Variants in SLC22A24 observed in about 807,000 individuals in gnomAD.
SLC22A24 encodes steroid transmembrane transporter SLC22A24.
In SLC22A24, 53 loss-of-function variants were observed where a neutral mutation model predicts 49.8. That is an observed-to-expected ratio of 1.06 (90% CI 0.85 to 1.34). SLC22A24 has a LOEUF of 1.34. SLC22A24 is among the 40% of genes most tolerant of loss of function. The pLI is 0.00. For missense variants in SLC22A24, 786 were observed against 675.9 expected, an observed-to-expected ratio of 1.16 and a Z score of -1.81; for synonymous variants, 302 against 256.4, an observed-to-expected ratio of 1.18 and a Z score of -1.70.
chr11:63,120,010 T>A (rs1172820897), intron 2 of SLC22A24, among the ~76,000 whole-genome samples: 4 of 151,838 alleles, frequency 2.6e-5, no homozygotes, highest in African/African-American at 7.3e-5. Context: ...CATTGTAGAT[T>A]CTGGATATTA....
At chr11:63,088,291 G>A (rs919681921) in intron 6 of SLC22A24, among the ~76,000 whole-genome samples, 1 of 152,056 alleles carries the variant, frequency 6.6e-6, no homozygotes, top group African/African-American at 2.4e-5. Context: ...AAAGGGTCTG[G>A]AGTGGACCTC....
chr11:63,119,360 G>C, intron 2 of SLC22A24, 25 bp from the exon 3 acceptor site: 1 of 1,491,144 alleles, frequency 6.7e-7, no homozygotes, highest in Non-Finnish European at 8.9e-7. Context: ...ACCAGATAAC[G>C]TTACTTAGGA....
intron 2 of SLC22A24, among the ~76,000 whole-genome samples, chr11:63,127,586 C>G (rs2134674754): frequency 6.6e-6 from 1 of 152,286 alleles, no homozygotes; most frequent in Non-Finnish European, 1.5e-5. Context: ...TTAACTTACA[C>G]TCCCACCAAC....
intron 6 of SLC22A24, 26 bp downstream of exon 6, chr11:63,095,965 G>A (rs750714307): frequency 4.8e-6 from 7 of 1,464,458 alleles, no homozygotes; most frequent in Admixed American, 2.0e-5. Flanking sequence ...ATATTTTAAA[G>A]TGAATCATCA....
chr11:63,114,272 CT>C (rs573987157), intron 4 of SLC22A24, among the ~76,000 whole-genome samples: 1 of 152,138 alleles, frequency 6.6e-6, no homozygotes, highest in African/African-American at 2.4e-5. Flanking sequence ...TCTTTTTACT[CT>C]TTTTTCTCTA....
intron 4 of SLC22A24, among the ~76,000 whole-genome samples, chr11:63,111,623 T>C (rs1459525893): frequency 6.6e-6 from 1 of 150,714 alleles, no homozygotes; most frequent in Non-Finnish European, 1.5e-5. Context: ...CTAGATTTTC[T>C]AGTTTATTTG....
At chr11:63,103,515 G>T (rs2087103243) in intron 5 of SLC22A24, among the ~76,000 whole-genome samples, 1 of 152,074 alleles carries the variant, frequency 6.6e-6, no homozygotes, top group Admixed American at 6.6e-5. Flanking sequence ...ACCCTGGTAG[G>T]CAATAAGCAT....
intron 2 of SLC22A24, among the ~76,000 whole-genome samples, chr11:63,131,208 T>C (rs1248941421): frequency 6.6e-6 from 1 of 152,130 alleles, no homozygotes; most frequent in Non-Finnish European, 1.5e-5. Context: ...AGCACACCGA[T>C]AAAGAGTCTT....
At chr11:63,112,733 T>C (rs1178376665) in intron 4 of SLC22A24, among the ~76,000 whole-genome samples, 2 of 151,968 alleles carry the variant, frequency 1.3e-5, no homozygotes, top group East Asian at 3.9e-4. Context: ...CCCATTTACA[T>C]TTAAGGTTAA....
Position 63,117,366 on chromosome 11 carries a change from T to C in SLC22A24, c.830+1546A>G, listed in dbSNP as rs192056230. 1.7e-3 allele frequency among the ~76,000 whole-genome samples: 256 copies of C among 152,306 alleles called. 3 individuals carry two copies. The highest frequency in any genetic ancestry group is 3.4e-3 in the Middle Eastern group (1 of 294). ...GCTTAGTGCTCAGCTATTAAGTTAG[T>C]TGTCTGCAACCAATACTTCTCCCAG... On this transcript the variant is annotated intron_variant, in intron 4 of 9. Coordinates refer to ENST00000612278, the MANE Select transcript of SLC22A24 (RefSeq NM_001136506.2).
intron 2 of SLC22A24, among the ~76,000 whole-genome samples, chr11:63,125,982 T>C (rs1185787417): frequency 1.3e-5 from 2 of 152,246 alleles, no homozygotes; most frequent in Non-Finnish European, 2.9e-5. Context: ...GTTCATATCC[T>C]TCGCCCACTT....
intron 1 of SLC22A24, among the ~76,000 whole-genome samples, chr11:63,135,200 G>T (rs769617061): frequency 6.6e-5 from 10 of 152,114 alleles, no homozygotes; most frequent in Non-Finnish European, 1.5e-4. Flanking sequence ...TCATCATGTA[G>T]GTAACATATG....
chr11:63,081,241 G>C, intron 8 of SLC22A24, 118 bp from the exon 9 acceptor site: 1 of 834,010 alleles, frequency 1.2e-6, no homozygotes, highest in Middle Eastern at 3.4e-4. Context: ...CATGGGCTTT[G>C]ACAGCAAGCC....
intron 4 of SLC22A24, among the ~76,000 whole-genome samples, chr11:63,114,515 C>T (rs889170808): frequency 5.3e-5 from 8 of 152,104 alleles, no homozygotes; most frequent in African/African-American, 1.7e-4. Context: ...TCCTTTAGCT[C>T]GGAGAAGTTT....
At chr11:63,123,950 A>T (rs551990753) in intron 2 of SLC22A24, among the ~76,000 whole-genome samples, 90 of 152,240 alleles carry the variant, frequency 5.9e-4, no homozygotes, top group Non-Finnish European at 1.1e-3. Flanking sequence ...ATTCCCCTTA[A>T]AAATAAAGAT....
Position 63,143,587 on chromosome 11 carries a change from C to A in SLC22A24, c.193G>T (p.Gly65Trp). 2 of 1,569,312 alleles carry A rather than the reference C, an allele frequency of 1.3e-6. No individual in the cohort carries two copies. Among genetic ancestry groups the A allele is most frequent in the Non-Finnish European group, 1.7e-6 (2 of 1,158,850 alleles). ...AGGAGGTCATCCTTGCTGAGGGTCC[C>A]GGTATCATTGTCAGACACAGTGTCA... The part of the protein sequence containing the change: ...DNDTVSDNDT[G>W]TLSKDDLLRI... The change falls in exon 1 of 10, where the codon GGG becomes TGG. Residue 65 changes from glycine (G) to tryptophan (W), a missense_variant. Gly to Trp is a radical substitution (Grantham distance 184). Transcript: ENST00000612278.
intron 4 of SLC22A24, among the ~76,000 whole-genome samples, chr11:63,106,104 C>G (rs894504273): frequency 1.1e-4 from 15 of 139,812 alleles, no homozygotes; most frequent in Non-Finnish European, 2.3e-4. Flanking sequence ...ACAACAGTCC[C>G]CGGTGTGTGA....
At chr11:63,120,649 G>C (rs11823791) in intron 2 of SLC22A24, among the ~76,000 whole-genome samples, 354 of 152,124 alleles carry the variant, frequency 2.3e-3, no homozygotes, top group African/African-American at 7.5e-3. Context: ...CCTTTCTAGA[G>C]TTAACTTTGA....
Position 63,106,035 on chromosome 11 carries a change from C to T in SLC22A24, c.831-1737G>A, listed in dbSNP as rs941202594. ...CATGCTGGTATGCTGCACCCATTAA[C>T]TCGTCATTTAGCATTAGGTATATCT... On this transcript the variant is annotated intron_variant, in intron 4 of 9. Coordinates refer to ENST00000612278, the MANE Select transcript of SLC22A24 (RefSeq NM_001136506.2). Among the ~76,000 whole-genome samples the T allele has an allele frequency of 4.0e-4, 60 of 151,672 alleles. No individual in the cohort carries two copies. In the Middle Eastern group the frequency reaches 0.027, roughly 69 times the overall value.
Sources: gnomAD v4.1 joint callset for allele counts (sites outside exome capture counted in the v4.1 genomes callset) on GRCh38, gnomAD v4.1.1 for gene constraint, MANE v1.5 for transcripts, NCBI Gene and HGNC (gene_info 2026-07-23, HGNC 2026-07-21) for gene names.